TRAK1: variants seen among roughly 807,000 people sequenced by gnomAD.
The protein encoded by TRAK1 is trafficking kinesin protein 1.
A neutral mutation model predicts 92.1 loss-of-function variants in TRAK1; 33 were observed. The ratio of observed to expected loss-of-function variants is 0.36; its 90% CI spans 0.27 to 0.48. The LOEUF is 0.48. Among genes scored for constraint, TRAK1 ranks in the 20% least tolerant of loss-of-function variants. The pLI, the probability that TRAK1 is intolerant of heterozygous loss-of-function variation, is 0.99. For missense variants in TRAK1, 1,123 were observed against 1,257.9 expected, an observed-to-expected ratio of 0.89 and a Z score of 1.62; for synonymous variants, 521 against 517.3, an observed-to-expected ratio of 1.01 and a Z score of -0.10.
chr3:42,102,840 C>A (rs574510267), intron 1 of TRAK1, among the ~76,000 whole-genome samples: 1 of 137,140 alleles, frequency 7.3e-6, no homozygotes, highest in South Asian at 2.7e-4. Context: ...CGAAAGTTCT[C>A]CAGGGACCCT....
chr3:42,023,900 G>A (rs772878857), intron 1 of TRAK1, among the ~76,000 whole-genome samples: 1 of 151,840 alleles, frequency 6.6e-6, no homozygotes, highest in South Asian at 2.1e-4. Flanking sequence ...GATTACAGGC[G>A]CCTGCCACCA....
At chr3:42,198,720 C>T (rs1037961171) in intron 10 of TRAK1, among the ~76,000 whole-genome samples, 20 of 152,146 alleles carry the variant, frequency 1.3e-4, no homozygotes, top group African/African-American at 4.6e-4. Flanking sequence ...GTGACAGACC[C>T]TGTAGACTAG....
upstream of TRAK1, among the ~76,000 whole-genome samples, chr3:42,084,749 T>TATC (rs1704593319): frequency 6.6e-6 from 1 of 152,190 alleles, no homozygotes; most frequent in Admixed American, 6.5e-5. Context: ...TGAGGCAGCT[T>TATC]ATCCATTCAT....
intron 2 of TRAK1, among the ~76,000 whole-genome samples, chr3:42,144,686 T>A (rs960329974): frequency 3.3e-5 from 5 of 152,210 alleles, no homozygotes; most frequent in Non-Finnish European, 7.3e-5. Flanking sequence ...CTTGTATATT[T>A]TTTTTTAACT....
chr3:42,120,397 G>A (rs986378560), intron 1 of TRAK1, among the ~76,000 whole-genome samples: 2 of 151,920 alleles, frequency 1.3e-5, no homozygotes, highest in Admixed American at 6.6e-5. Context: ...ACCACAGAGA[G>A]CATAAAGGGT....
intron 2 of TRAK1, among the ~76,000 whole-genome samples, chr3:42,130,859 G>T (rs1697102568): frequency 6.6e-6 from 1 of 152,160 alleles, no homozygotes; most frequent in African/African-American, 2.4e-5. Flanking sequence ...GAGGTGCGGG[G>T]TGCATTGACT....
At chr3:42,163,300 G>A (rs1225239642) in intron 2 of TRAK1, among the ~76,000 whole-genome samples, 1 of 152,182 alleles carries the variant, frequency 6.6e-6, no homozygotes, top group Non-Finnish European at 1.5e-5. Flanking sequence ...GCCAGGCATG[G>A]TGGCTCACAC....
chr3:42,215,522 GTGTA>G (rs1050729533), intron 14 of TRAK1, among the ~76,000 whole-genome samples: 2 of 142,358 alleles, frequency 1.4e-5, no homozygotes, highest in African/African-American at 5.3e-5. Flanking sequence ...GTGTGTGTGT[GTGTA>G]CTGGTTGAGG....
upstream of TRAK1, chr3:42,091,343 T>C (rs1576292354): frequency 1.2e-6 from 1 of 808,332 alleles, no homozygotes; most frequent in East Asian, 2.7e-5. Flanking sequence ...GGATTTGCCC[T>C]AACAAGCAAA....
chr3:42,195,074 A>T, intron 10 of TRAK1, 133 bp downstream of exon 10: 2 of 1,101,194 alleles, frequency 1.8e-6, no homozygotes, highest in Non-Finnish European at 2.5e-6. Flanking sequence ...TCTGAGTCTG[A>T]ATCAAGGACA....
chr3:42,097,971 G>A (rs981338899), intron 1 of TRAK1, among the ~76,000 whole-genome samples: 55 of 152,086 alleles, frequency 3.6e-4, no homozygotes, highest in Non-Finnish European at 5.7e-4. Flanking sequence ...TTCTATTTCC[G>A]GAGGAGTATC....
At position 42,193,961 on chromosome 3, in the gene TRAK1, C is replaced by T. The variant is rs531587742; in HGVS notation, c.975+63C>T. 6.6e-5 allele frequency: 97 copies of T among 1,472,542 alleles called. No individual in the cohort carries two copies. The South Asian group carries it at 1.0e-3, about 16-fold the overall frequency. The allele number at this position is 1,472,542 out of a possible 1,614,324, so 91.2% of individuals were successfully genotyped here. ...TGCAGCCAAGGTGGATTAGCCTTCC[C>T]GGACAGCTTTAGTCACGTCCATCGC... On this transcript the variant is annotated intron_variant, in intron 9 of 15. Coordinates refer to ENST00000327628, the MANE Select transcript of TRAK1 (RefSeq NM_001042646.3).
intron 1 of TRAK1, among the ~76,000 whole-genome samples, chr3:42,041,412 A>C (rs1423264173): frequency 6.6e-6 from 1 of 152,014 alleles, no homozygotes; most frequent in East Asian, 1.9e-4. Context: ...CATTTTTGGA[A>C]TGTTTATTGC....
chr3:42,189,611 A>G (rs1432575108), intron 6 of TRAK1, among the ~76,000 whole-genome samples: 4 of 152,002 alleles, frequency 2.6e-5, no homozygotes, highest in Admixed American at 2.6e-4. Context: ...TGGCTCTGCA[A>G]CCTTCGCCTC....
At chr3:42,059,208 C>G (rs1016186926) in intron 1 of TRAK1, among the ~76,000 whole-genome samples, 3 of 152,050 alleles carry the variant, frequency 2.0e-5, no homozygotes, top group African/African-American at 7.2e-5. Flanking sequence ...GAATCTCCCC[C>G]TCAGCTTCCT....
chr3:42,133,435 G>T (rs150964413), intron 2 of TRAK1, among the ~76,000 whole-genome samples: 1 of 152,022 alleles, frequency 6.6e-6, no homozygotes. Context: ...GCCTAGGCTG[G>T]CCTCGAACTC....
At chr3:42,052,791 A>G (rs1273411118) in intron 1 of TRAK1, among the ~76,000 whole-genome samples, 1 of 152,134 alleles carries the variant, frequency 6.6e-6, no homozygotes. Flanking sequence ...CTCCCCCATT[A>G]TGAAAGAGTC....
chr3:42,079,474 CTTCTTTTTTTT>C (rs1704324588), intron 1 of TRAK1, among the ~76,000 whole-genome samples: 1 of 133,944 alleles, frequency 7.5e-6, no homozygotes, highest in Non-Finnish European at 1.6e-5. Context: ...GAAGCTCCTT[CTTCTTTTTTTT>C]TTTTTTTTGT....
At chr3:42,041,858 G>A (rs1372734871) in intron 1 of TRAK1, among the ~76,000 whole-genome samples, 3 of 150,776 alleles carry the variant, frequency 2.0e-5, no homozygotes, top group Non-Finnish European at 4.4e-5. Flanking sequence ...GCAGTGGCGC[G>A]ATCTTGGCTC....
Sources: gnomAD v4.1 joint callset for allele counts (sites outside exome capture counted in the v4.1 genomes callset) on GRCh38, gnomAD v4.1.1 for gene constraint, MANE v1.5 for transcripts, NCBI Gene and HGNC (gene_info 2026-07-23, HGNC 2026-07-21) for gene names.